The following KLHL12 variants were observed in gnomAD, a reference collection of about 807,000 sequenced individuals.
KLHL12 encodes the protein kelch-like protein 12.
A neutral mutation model predicts 60.8 loss-of-function variants in KLHL12; 17 were observed. The observed-to-expected ratio is 0.28, with a 90% CI of 0.19 to 0.42. The LOEUF (loss-of-function observed/expected upper bound fraction) is 0.42. KLHL12 is among the 10% of genes least tolerant of loss of function. The pLI is 1.00. For synonymous variants in KLHL12, 220 were observed against 250.9 expected, an observed-to-expected ratio of 0.88 and a Z score of 1.16; for missense variants, 468 against 722.3, an observed-to-expected ratio of 0.65 and a Z score of 4.04.
rs1253765908 is a variant in KLHL12, at chr1:202,911,161, C to T, written c.610G>A (p.Val204Met). 6.2e-7 allele frequency: 1 copy of T among 1,614,074 alleles called. No individual in the cohort carries two copies. Among genetic ancestry groups the T allele is most frequent in the Non-Finnish European group, 8.5e-7 (1 of 1,180,004 alleles). Residue 204 changes from valine (V) to methionine (M), a missense_variant, in exon 5 of 12, where the codon GTG becomes ATG. By Grantham distance (21) the Val-to-Met change is conservative. Around this residue, in one of 4 missense-constraint regions of KLHL12, gnomAD observed 339 missense variants for 525.0 expected, o/e 0.65. Coordinates refer to ENST00000367261, the MANE Select transcript of KLHL12 (RefSeq NM_021633.4). ...EPVFEAVINW[V>M]KHAKKEREES... ...TCCCGCTCTTTCTTGGCATGCTTCA[C>T]CCAGTTGATGACAGCCTCAAAGACT... is the stretch of plus-strand genomic sequence containing the variant.
At chr1:202,916,661 T>A (rs571220335) in intron 4 of KLHL12, among the ~76,000 whole-genome samples, 2 of 152,176 alleles carry the variant, frequency 1.3e-5, no homozygotes, top group East Asian at 3.9e-4. Context: ...TACACAAATA[T>A]CCTAGTTTTA....
chr1:202,907,679 G>T (rs909748935), intron 6 of KLHL12, among the ~76,000 whole-genome samples: 2 of 151,108 alleles, frequency 1.3e-5, no homozygotes, highest in Non-Finnish European at 2.9e-5. Context: ...GCCAAGGCAG[G>T]TGAACTGCTT....
chr1:202,925,298 G>A, intron 1 of KLHL12, 91 bp from the exon 2 acceptor site: 2 of 1,421,748 alleles, frequency 1.4e-6, no homozygotes, highest in South Asian at 1.5e-5. Flanking sequence ...GAACCTAAGA[G>A]GCTTCCTCAG....
intron 2 of KLHL12, among the ~76,000 whole-genome samples, chr1:202,922,635 C>T (rs1267998330): frequency 4.6e-5 from 7 of 151,590 alleles, no homozygotes; most frequent in African/African-American, 1.7e-4. Flanking sequence ...TACAGGCGCC[C>T]GCCACCACGC....
In KLHL12 at chr1:202,892,330, G is replaced by T; in HGVS notation, c.*203C>A. ...CATTCAATGTGCATTCTTTTTCCTG[G>T]AATATCTGTTACCCACCCTTCTCAG... On this transcript the variant is annotated 3_prime_UTR_variant, in exon 12 of 12. Coordinates refer to ENST00000367261, the MANE Select transcript of KLHL12 (RefSeq NM_021633.4). 4.0e-6 allele frequency: 2 copies of T among 495,110 alleles called. No individual in the cohort carries two copies. Among genetic ancestry groups the T allele is most frequent in the Non-Finnish European group, 7.0e-6 (2 of 285,438 alleles). The allele number at this position is 495,110 out of a possible 1,614,324, so 30.7% of individuals were successfully genotyped here.
At chr1:202,914,164 A>C (rs115536459) in intron 4 of KLHL12, among the ~76,000 whole-genome samples, 113 of 152,348 alleles carry the variant, frequency 7.4e-4, no homozygotes, top group African/African-American at 2.6e-3. Flanking sequence ...ACTTGAAATC[A>C]TCCGAAGGTT....
Position 202,914,107 on chromosome 1 carries a change from G to T in KLHL12, c.568-2904C>A, listed in dbSNP as rs185416566. On this transcript the variant is annotated intron_variant, in intron 4 of 11. Coordinates refer to ENST00000367261, the MANE Select transcript of KLHL12 (RefSeq NM_021633.4). ...ATATGAAGCTGGAGAGTTAAGCAAG[G>T]GCCAGGTACAGAGAGCATTAGAATA... 3.0e-4 allele frequency among the ~76,000 whole-genome samples: 45 copies of T among 152,290 alleles called. 2 individuals carry two copies. The highest frequency in any genetic ancestry group is 3.4e-3 in the Middle Eastern group (1 of 294).
chr1:202,894,256 T>G lies in KLHL12; in HGVS notation c.1321A>C (p.Asn441His), dbSNP rs1659763222. 6.4e-7 allele frequency: 1 copy of G among 1,556,800 alleles called. No individual in the cohort carries two copies. Among genetic ancestry groups the G allele is most frequent in the Non-Finnish European group, 8.7e-7 (1 of 1,148,908 alleles). Residue 441 changes from asparagine to histidine, a missense_variant, in exon 10 of 12, where the codon AAT becomes CAT. Physicochemically the swap from Asn to His is moderately conservative, Grantham distance 68. Transcript: ENST00000367261. The stretch of plus-strand genomic sequence containing the variant: ...TGAGGGTCGTATTTCTCAACTGAAT[T>G]TAAGATATTCAAGCCGTCATATCCT... ...LGGYDGLNIL[N>H]SVEKYDPHTG...
In KLHL12 at chr1:202,909,483, G is replaced by C. The variant is rs1005190030; in HGVS notation, c.718-359C>G. ...ATAATAACTAATAAGAATTTTAAGGGGAAAACCAAAAAGATTCTGTTATTT... is the reference window on the plus strand; with the variant it reads ...ATAATAACTAATAAGAATTTTAAGGCGAAAACCAAAAAGATTCTGTTATTT... On this transcript the variant is annotated intron_variant, in intron 5 of 11. Coordinates refer to ENST00000367261, the MANE Select transcript of KLHL12 (RefSeq NM_021633.4). The surrounding 1 kb of genome is among the most constrained non-coding windows in gnomAD (Gnocchi z 4.1). Among the ~76,000 whole-genome samples the C allele has an allele frequency of 1.3e-5, 2 of 151,924 alleles. No homozygotes were observed. Among genetic ancestry groups the C allele is most frequent in the African/African-American group, 4.8e-5 (2 of 41,330 alleles).
intron 6 of KLHL12, among the ~76,000 whole-genome samples, chr1:202,908,249 T>TA (rs1660255325): frequency 6.6e-6 from 1 of 152,164 alleles, no homozygotes; most frequent in Non-Finnish European, 1.5e-5. Flanking sequence ...ACACTAACTC[T>TA]CATCTTAGTG....
At chr1:202,894,305 G>C in intron 9 of KLHL12, 23 bp from the exon 10 acceptor site, 1 of 1,467,106 alleles carries the variant, frequency 6.8e-7, no homozygotes, top group Non-Finnish European at 9.4e-7. Context: ...GACCATTCCA[G>C]AAAGAGTGGT....
intron 6 of KLHL12, among the ~76,000 whole-genome samples, chr1:202,902,276 A>G (rs1346143509): frequency 6.6e-6 from 1 of 152,134 alleles, no homozygotes; most frequent in Non-Finnish European, 1.5e-5. Flanking sequence ...GTGAAAATAC[A>G]AAAATCAGCC....
chr1:202,912,107 C>T lies in KLHL12; in HGVS notation c.568-904G>A, dbSNP rs902714348. ...GTTTCAAGGGAAGATTCTCAAAGAC[C>T]AGGTGCTCACTTAACTGTGAAAAAG... On this transcript the variant is annotated intron_variant, in intron 4 of 11. Transcript: ENST00000367261. 3.0e-5 allele frequency: 25 copies of T among 820,716 alleles called. No homozygotes were observed. In the Admixed American group the frequency reaches 3.9e-4, roughly 13 times the overall value. The allele number at this position is 820,716 out of a possible 1,614,324, so 50.8% of individuals were successfully genotyped here.
intron 4 of KLHL12, chr1:202,912,459 G>A (rs1660393149): frequency 1.2e-5 from 10 of 825,898 alleles, no homozygotes; most frequent in East Asian, 7.5e-5. Flanking sequence ...CATGACAGCC[G>A]TGGTGGTGGT....
chr1:202,925,982 A>G (rs1653528982), intron 1 of KLHL12, among the ~76,000 whole-genome samples: 1 of 151,848 alleles, frequency 6.6e-6, no homozygotes, highest in African/African-American at 2.4e-5. Context: ...ATGCGCGCCT[A>G]TAATCCTAGC....
At chr1:202,922,455 C>T (rs927511924) in intron 2 of KLHL12, among the ~76,000 whole-genome samples, 5 of 147,244 alleles carry the variant, frequency 3.4e-5, no homozygotes, top group South Asian at 2.1e-4. Context: ...AAAGAGAGAG[C>T]GATAAAGGGT....
chr1:202,913,506 AATGGTGAACAAATCAGAT>A (rs1236680682), intron 4 of KLHL12, among the ~76,000 whole-genome samples: 28 of 152,224 alleles, frequency 1.8e-4, no homozygotes, highest in Admixed American at 1.8e-3. Flanking sequence ...CTGATTACAC[AATGGTGAACAAATCAGAT>A]ATGGTGAACA....
rs1309048819 is a variant in KLHL12 at position 202,909,389 on chromosome 1, G to A, written c.718-265C>T. Among the ~76,000 whole-genome samples, 2 of 151,250 alleles carry A rather than the reference G, an allele frequency of 1.3e-5. No individual in the cohort carries two copies. The highest frequency in any genetic ancestry group is 2.9e-5 in the Non-Finnish European group (2 of 67,920). ...TGTTGAGCAGTATTTCCCATCTATC[G>A]CAGCGCTTACATTTAACTATTTTTA... On this transcript the variant is annotated intron_variant, in intron 5 of 11. Transcript: ENST00000367261. The surrounding 1 kb of genome is among the most constrained non-coding windows in gnomAD (Gnocchi z 4.1).
chr1:202,915,193 C>T (rs1275472466), intron 4 of KLHL12, among the ~76,000 whole-genome samples: 1 of 152,156 alleles, frequency 6.6e-6, no homozygotes, highest in Non-Finnish European at 1.5e-5. Context: ...CTAATATCTA[C>T]ATTTTATAGA....
Sources: gnomAD v4.1 joint callset for allele counts (sites outside exome capture counted in the v4.1 genomes callset) on GRCh38, gnomAD v4.1.1 for gene constraint, gnomAD v4.1.1 regional missense constraint, Gnocchi (gnomAD v3.1) non-coding constraint, MANE v1.5 for transcripts, NCBI Gene and HGNC (gene_info 2026-07-23, HGNC 2026-07-21) for gene names.